Variants in ZBTB7C observed in about 807,000 individuals in gnomAD.
ZBTB7C encodes zinc finger and BTB domain-containing protein 7C.
ZBTB7C carries 8 observed loss-of-function variants against 25.7 expected under a neutral mutation model. That is an observed-to-expected ratio of 0.31 (90% confidence interval 0.18 to 0.56). The LOEUF (loss-of-function observed/expected upper bound fraction) is 0.56. Ranked by LOEUF, ZBTB7C falls within the 20% of genes least tolerant of loss-of-function variation. The probability of loss-of-function intolerance (pLI) is 0.91; values close to 1 mark genes in which losing one functional copy is unlikely to be tolerated. For missense variants in ZBTB7C, 824 were observed against 855.2 expected (o/e 0.96, Z 0.46); for synonymous variants, 394 against 369.0 (o/e 1.07, Z -0.78).
At chr18:48,061,437 C>T (rs1029685484) in intron 3 of ZBTB7C, among the ~76,000 whole-genome samples, 1 of 152,130 alleles carries the variant, frequency 6.6e-6, no homozygotes, top group Non-Finnish European at 1.5e-5. Context: ...CCTTGAGTCC[C>T]TCTTTTCCCT....
chr18:48,057,239 A>G (rs1220025173), intron 3 of ZBTB7C, among the ~76,000 whole-genome samples: 1 of 152,186 alleles, frequency 6.6e-6, no homozygotes, highest in Non-Finnish European at 1.5e-5. Flanking sequence ...AATTACCCTT[A>G]TAGATATATA....
intron 3 of ZBTB7C, among the ~76,000 whole-genome samples, chr18:48,152,449 C>T (rs2040708718): frequency 6.6e-6 from 1 of 152,038 alleles, no homozygotes; most frequent in South Asian, 2.1e-4. Flanking sequence ...TGGCATTTCT[C>T]AGATAGATGA....
At chr18:48,128,740 AC>A (rs2039889099) in intron 3 of ZBTB7C, among the ~76,000 whole-genome samples, 1 of 152,230 alleles carries the variant, frequency 6.6e-6, no homozygotes, top group Admixed American at 6.5e-5. Context: ...GACAAAAAAA[AC>A]TACATATTGT....
chr18:48,167,600 G>GTGTGTGTGTA (rs1224934085), intron 3 of ZBTB7C, among the ~76,000 whole-genome samples: 1 of 149,476 alleles, frequency 6.7e-6, no homozygotes, highest in African/African-American at 2.5e-5. Context: ...GTGTGTGTGC[G>GTGTGTGTGTA]CGCGTGCACA....
intron 3 of ZBTB7C, among the ~76,000 whole-genome samples, chr18:48,155,656 T>C (rs1167778313): frequency 2.0e-5 from 3 of 152,090 alleles, no homozygotes; most frequent in Admixed American, 2.0e-4. Context: ...TCTTTACATG[T>C]TATATAGGGT....
At chr18:48,122,060 C>CT (rs2039649333) in intron 3 of ZBTB7C, among the ~76,000 whole-genome samples, 1 of 152,192 alleles carries the variant, frequency 6.6e-6, no homozygotes, top group Admixed American at 6.5e-5. Flanking sequence ...TGCCAGGCTC[C>CT]TGCAGCCGAG....
intron 4 of ZBTB7C, among the ~76,000 whole-genome samples, chr18:48,039,031 C>T (rs555371813): frequency 6.6e-6 from 1 of 152,298 alleles, no homozygotes; most frequent in East Asian, 1.9e-4. Flanking sequence ...CACGTCAACC[C>T]GCCAATCAGT....
intron 3 of ZBTB7C, among the ~76,000 whole-genome samples, chr18:48,095,718 T>TAAATAAAATAAAATA (rs74172091): frequency 0.039 from 5,131 of 132,844 alleles, 287 homozygotes; most frequent in African/African-American, 0.12. Context: ...TCTCAAAAAA[T>TAAATAAAATAAAATA]AAATAAAATA....
intron 1 of ZBTB7C, among the ~76,000 whole-genome samples, chr18:48,394,667 GTA>G (rs1282633529): frequency 6.6e-6 from 1 of 152,110 alleles, no homozygotes; most frequent in African/African-American, 2.4e-5. Flanking sequence ...GTCTGTGTGC[GTA>G]TGTGTGTAAA....
intron 1 of ZBTB7C, among the ~76,000 whole-genome samples, chr18:48,381,805 C>G (rs1025857433): frequency 1.3e-5 from 2 of 152,180 alleles, no homozygotes; most frequent in African/African-American, 4.8e-5. Flanking sequence ...GAAGGACTGG[C>G]CACTCTTTGG....
chr18:48,184,631 T>C (rs1363842133), intron 3 of ZBTB7C, among the ~76,000 whole-genome samples: 2 of 152,100 alleles, frequency 1.3e-5, no homozygotes, highest in African/African-American at 4.8e-5. Flanking sequence ...TAAATAAATA[T>C]ATCCCAGCTG....
chr18:48,409,732 G>A (rs1425253581), upstream of ZBTB7C, among the ~76,000 whole-genome samples: 1 of 152,008 alleles, frequency 6.6e-6, no homozygotes, highest in African/African-American at 2.4e-5. Flanking sequence ...GACCCGACGC[G>A]GAGGCGGAGT....
intron 1 of ZBTB7C, among the ~76,000 whole-genome samples, chr18:48,359,897 C>T (rs754321358): frequency 3.5e-4 from 54 of 152,248 alleles, no homozygotes; most frequent in Middle Eastern, 6.8e-3. Flanking sequence ...ATTTTTGACT[C>T]GGGAAAAGTC....
At chr18:48,396,071 C>T (rs1011618459) in intron 1 of ZBTB7C, among the ~76,000 whole-genome samples, 13 of 152,140 alleles carry the variant, frequency 8.5e-5, no homozygotes, top group African/African-American at 2.9e-4. Context: ...ATTACTTTAT[C>T]AAATAATTCA....
At chr18:48,308,365 G>C (rs534657351) in intron 2 of ZBTB7C, among the ~76,000 whole-genome samples, 22 of 152,300 alleles carry the variant, frequency 1.4e-4, no homozygotes, top group Non-Finnish European at 2.9e-5. Flanking sequence ...AGGGCAGGAT[G>C]ACCTCTTGCC....
chr18:48,334,062 C>A (rs1374966135), intron 2 of ZBTB7C, among the ~76,000 whole-genome samples: 3 of 152,128 alleles, frequency 2.0e-5, no homozygotes, highest in African/African-American at 4.8e-5. Flanking sequence ...AGAATCCTCA[C>A]CAGACCCAAG....
intron 3 of ZBTB7C, among the ~76,000 whole-genome samples, chr18:48,122,399 A>G (rs1028576148): frequency 6.6e-6 from 1 of 152,122 alleles, no homozygotes; most frequent in Non-Finnish European, 1.5e-5. Context: ...TCTTTATTTT[A>G]TAGGCACACA....
intron 3 of ZBTB7C, among the ~76,000 whole-genome samples, chr18:48,062,387 C>T (rs919248028): frequency 6.6e-6 from 1 of 151,988 alleles, no homozygotes; most frequent in African/African-American, 2.4e-5. Context: ...GCTGTTGGCG[C>T]ACTCTATCAC....
At chr18:48,131,665 T>G (rs1047114645) in intron 3 of ZBTB7C, among the ~76,000 whole-genome samples, 10 of 152,194 alleles carry the variant, frequency 6.6e-5, no homozygotes, top group Non-Finnish European at 1.3e-4. Flanking sequence ...ACAAAGTGAC[T>G]GTCTTATAGG....
Sources: allele counts gnomAD v4.1 joint callset (sites outside exome capture counted in the v4.1 genomes callset), GRCh38; gene constraint gnomAD v4.1.1; transcripts MANE v1.5; gene names NCBI Gene and HGNC (gene_info 2026-07-23, HGNC 2026-07-21).